Variants in SPTLC2 observed in about 807,000 individuals in gnomAD.
SPTLC2 encodes the protein serine palmitoyltransferase long chain base subunit 2, also known as serine palmitoyltransferase 2.
Under a neutral mutation model 62.0 loss-of-function variants are expected in SPTLC2, and 21 were observed. The observed-to-expected ratio is 0.34, with a 90% CI of 0.24 to 0.49. The LOEUF is 0.49. Ranked by LOEUF, SPTLC2 falls within the 20% of genes least tolerant of loss-of-function variation. SPTLC2 has a pLI of 0.99. For missense variants in SPTLC2, 511 were observed against 713.0 expected (o/e 0.72, Z 3.23); for synonymous variants, 261 against 261.8 (o/e 1.00, Z 0.03).
In SPTLC2 at chr14:77,552,198, G is replaced by A. The variant is rs2079559176; in HGVS notation, c.1201C>T (p.His401Tyr). The A allele has an allele frequency of 1.9e-6, 3 of 1,614,158 alleles. No homozygotes were observed. The highest frequency in any genetic ancestry group is 8.5e-7 in the Non-Finnish European group (1 of 1,180,032). The change falls in exon 9 of 12, where the codon CAT (histidine) becomes TAT (tyrosine). Residue 401 changes from histidine (H) to tyrosine (Y), a missense_variant. By Grantham distance (83) the His-to-Tyr change is moderately conservative. Transcript: ENST00000216484. ...GTGGCATACACTGCACTATGAGAATGTGTTCGCAGGTAGTCTATCAGCTCC... is the reference window on the plus strand; with the variant it reads ...GTGGCATACACTGCACTATGAGAATATGTTCGCAGGTAGTCTATCAGCTCC... ...KKELIDYLRTHSHSAVYATSL... is the reference protein window; with the variant it reads ...KKELIDYLRTYSHSAVYATSL...
chr14:77,579,517 T>A (rs2079735904), intron 2 of SPTLC2, among the ~76,000 whole-genome samples: 1 of 152,150 alleles, frequency 6.6e-6, no homozygotes, highest in Admixed American at 6.5e-5. Flanking sequence ...AGAAAGCCAA[T>A]GCAGGAGGAC....
At chr14:77,535,896 T>C (rs1410894778) in intron 9 of SPTLC2, 1 of 444,716 alleles carries the variant, frequency 2.2e-6, no homozygotes, top group East Asian at 7.2e-5. Context: ...TTCAAAGATA[T>C]TAAGGAAGCA....
intron 9 of SPTLC2, among the ~76,000 whole-genome samples, chr14:77,532,941 C>G (rs2079448699): frequency 6.6e-6 from 1 of 152,000 alleles, no homozygotes; most frequent in Non-Finnish European, 1.5e-5. Flanking sequence ...AATGACACCA[C>G]CATAGTAGCA....
At chr14:77,612,935 G>A (rs1002875795) in intron 1 of SPTLC2, among the ~76,000 whole-genome samples, 4 of 152,122 alleles carry the variant, frequency 2.6e-5, no homozygotes, top group African/African-American at 9.7e-5. Context: ...TGTCTCAAAG[G>A]TAGATAACTT....
intron 9 of SPTLC2, among the ~76,000 whole-genome samples, chr14:77,548,390 A>G (rs1226377205): frequency 3.3e-5 from 5 of 152,254 alleles, no homozygotes; most frequent in Admixed American, 1.3e-4. Context: ...CAGAAATAAA[A>G]TACATCAAAG....
intron 11 of SPTLC2, among the ~76,000 whole-genome samples, chr14:77,514,609 C>T (rs1240521795): frequency 1.3e-5 from 2 of 152,214 alleles, no homozygotes; most frequent in African/African-American, 4.8e-5. Flanking sequence ...AGCCAATATC[C>T]TTGCGCTTCC....
In SPTLC2 at chr14:77,604,490, T is replaced by C. The variant is rs116468612; in HGVS notation, c.133-7110A>G. The stretch of plus-strand genomic sequence containing the variant: ...GATAATGATTCTATATTAAAATCTC[T>C]TAGAATTTCTTTTCTATATTTTTAT... On this transcript the variant is annotated intron_variant, in intron 1 of 11. Coordinates refer to ENST00000216484, the MANE Select transcript of SPTLC2 (RefSeq NM_004863.4). 8.0e-3 allele frequency among the ~76,000 whole-genome samples: 1,214 copies of C among 152,356 alleles called. 24 individuals are homozygous for C. The highest frequency in any genetic ancestry group is 0.028 in the African/African-American group (1,155 of 41,576).
chr14:77,531,673 C>T (rs1237491143), intron 9 of SPTLC2, among the ~76,000 whole-genome samples: 1 of 151,960 alleles, frequency 6.6e-6, no homozygotes, highest in South Asian at 2.1e-4. Context: ...CCACCATGCC[C>T]GGCTAATTTT....
intron 9 of SPTLC2, 158 bp from the exon 10 acceptor site, chr14:77,521,739 T>C (rs563292078): frequency 1.4e-6 from 1 of 694,140 alleles, no homozygotes; most frequent in Admixed American, 2.3e-5. Context: ...ATATGGAATA[T>C]AAATGTAAAA....
In SPTLC2 at chr14:77,589,959, T is replaced by C. The variant is rs558100454; in HGVS notation, c.327+7227A>G. Among the ~76,000 whole-genome samples the C allele has an allele frequency of 6.4e-5, 9 of 141,070 alleles. No individual in the cohort carries two copies. The South Asian group carries it at 9.1e-4, about 14-fold the overall frequency. The allele number at this position is 141,070 out of a possible 152,430, so 92.5% of individuals were successfully genotyped here. On this transcript the variant is annotated intron_variant, in intron 2 of 11. Coordinates refer to ENST00000216484, the MANE Select transcript of SPTLC2 (RefSeq NM_004863.4). ...TGCGATTGCACTCCAGCCTGGATGA[T>C]AGAGCAAGACCCTGTCTCAAAAAAA...
intron 11 of SPTLC2, among the ~76,000 whole-genome samples, chr14:77,516,153 G>C (rs2079358934): frequency 6.6e-6 from 1 of 152,106 alleles, no homozygotes; most frequent in Non-Finnish European, 1.5e-5. Flanking sequence ...AAGACAAAAT[G>C]ACTTTAACAA....
chr14:77,526,273 G>C (rs1312708500), intron 9 of SPTLC2, among the ~76,000 whole-genome samples: 1 of 152,096 alleles, frequency 6.6e-6, no homozygotes, highest in African/African-American at 2.4e-5. Context: ...TCAGTCCCAA[G>C]GATTTTTCAC....
At chr14:77,608,846 A>C (rs998358171) in intron 1 of SPTLC2, among the ~76,000 whole-genome samples, 2 of 151,460 alleles carry the variant, frequency 1.3e-5, no homozygotes, top group Non-Finnish European at 2.9e-5. Context: ...TTGAACTTGG[A>C]GGCGGAGGTT....
intron 11 of SPTLC2, among the ~76,000 whole-genome samples, chr14:77,514,430 G>GT (rs2079348821): frequency 6.6e-6 from 1 of 152,234 alleles, no homozygotes; most frequent in East Asian, 1.9e-4. Flanking sequence ...CTTGTGTGGG[G>GT]TATTTGGGTA....
At chr14:77,595,219 C>T (rs1240034340) in intron 2 of SPTLC2, among the ~76,000 whole-genome samples, 1 of 151,876 alleles carries the variant, frequency 6.6e-6, no homozygotes, top group Non-Finnish European at 1.5e-5. Context: ...ACAAAATTAT[C>T]TCGGGAGTGG....
chr14:77,557,165 A>G lies in SPTLC2; in HGVS notation c.851-19T>C. On this transcript the variant is annotated intron_variant, in intron 6 of 11. Coordinates refer to ENST00000216484, the MANE Select transcript of SPTLC2 (RefSeq NM_004863.4). ...TGCATATCTACAGAGCACAAAAAAG[A>G]ACAGTTATACCGCATCTTCCTCTTT... 6.3e-7 allele frequency: 1 copy of G among 1,595,676 alleles called. No homozygotes were observed. The highest frequency in any genetic ancestry group is 1.3e-5 in the African/African-American group (1 of 74,614).
At chr14:77,552,611 G>C (rs2079561399) in intron 8 of SPTLC2, among the ~76,000 whole-genome samples, 1 of 151,946 alleles carries the variant, frequency 6.6e-6, no homozygotes, top group Non-Finnish European at 1.5e-5. Flanking sequence ...TTCAAGACTG[G>C]CCTGACCAAC....
chr14:77,574,647 GATT>G (rs1171330742), intron 4 of SPTLC2, among the ~76,000 whole-genome samples: 3 of 152,172 alleles, frequency 2.0e-5, no homozygotes, highest in Non-Finnish European at 4.4e-5. Context: ...TCACACAAAG[GATT>G]ATTATTCAGT....
chr14:77,571,508 CAAAAA>C (rs71128649), intron 4 of SPTLC2, among the ~76,000 whole-genome samples: 6 of 133,374 alleles, frequency 4.5e-5, no homozygotes, highest in Admixed American at 2.3e-4. Flanking sequence ...GACTCTGACT[CAAAAA>C]AAAAAAAAAA....
Sources: gnomAD v4.1 joint callset for allele counts (sites outside exome capture counted in the v4.1 genomes callset) on GRCh38, gnomAD v4.1.1 for gene constraint, MANE v1.5 for transcripts, NCBI Gene and HGNC (gene_info 2026-07-23, HGNC 2026-07-21) for gene names.